RSPO1: variants seen among roughly 807,000 people sequenced by gnomAD.
The protein encoded by RSPO1 is R-spondin 1.
In RSPO1, 18 loss-of-function variants were observed where a neutral mutation model predicts 26.0. That is an observed-to-expected ratio of 0.69 (90% CI 0.48 to 1.03). The LOEUF is 1.03. RSPO1 is among the 50% of genes least tolerant of loss of function. RSPO1 has a pLI of 0.00. For synonymous variants in RSPO1, 133 were observed against 137.4 expected (o/e 0.97, Z 0.22); for missense variants, 309 against 352.3 (o/e 0.88, Z 0.98).
At position 37,611,798 on chromosome 1, in the gene RSPO1, A is replaced by C. The variant is rs1425596283; in HGVS notation, c.*957T>G. ...CCGGGGCCCTTTCTCCCGTCCTTTAAGGGGAATTACAGCAGCACTTCTCAA... is the reference window on the plus strand; with the variant it reads ...CCGGGGCCCTTTCTCCCGTCCTTTACGGGGAATTACAGCAGCACTTCTCAA... On this transcript the variant is annotated 3_prime_UTR_variant, in exon 7 of 7. Coordinates refer to ENST00000356545, the MANE Select transcript of RSPO1 (RefSeq NM_001242908.2). 6.4e-6 allele frequency: 1 copy of C among 156,864 alleles called. No homozygotes were observed. Among genetic ancestry groups the C allele is most frequent in the Non-Finnish European group, 1.4e-5 (1 of 71,024 alleles). The allele number at this position is 156,864 out of a possible 1,614,324, so 9.7% of individuals were successfully genotyped here. A position where few individuals can be genotyped will look rare whatever the true frequency, so the allele number is the denominator to read the frequency against.
chr1:37,618,360 G>A (rs528360915), intron 3 of RSPO1, among the ~76,000 whole-genome samples: 2 of 152,180 alleles, frequency 1.3e-5, no homozygotes, highest in African/African-American at 2.4e-5. Flanking sequence ...TCTGAGGGGG[G>A]ACAGAGTGAA....
At chr1:37,614,114 G>A in intron 5 of RSPO1, 70 bp downstream of exon 5, 1 of 1,564,564 alleles carries the variant, frequency 6.4e-7, no homozygotes, top group South Asian at 1.1e-5. Context: ...CCGCTCTCTT[G>A]CCAGACCCTT....
chr1:37,613,845 T>G lies in RSPO1; in HGVS notation c.484A>C (p.Lys162Gln), dbSNP rs36043533. The G allele has an allele frequency of 0.056, 90,371 of 1,613,898 alleles. 3,082 individuals carry two copies. Among genetic ancestry groups the G allele is most frequent in the South Asian group, 0.13 (11,548 of 91,072 alleles). Residue 162 changes from lysine (K) to glutamine (Q), a missense_variant, in exon 6 of 7, where the codon AAG becomes CAG. Transcript: ENST00000356545. The surrounding 1 kb of genome is among the most constrained non-coding windows in gnomAD (Gnocchi z 4.5). ...EWSPWGPCSK[K>Q]QQLCGFRRGS... ...CTCCGGAAACCACAGAGCTGCTGCT[T>G]CTTGGAGCAGGGCCCCCACGGAGAC...
intron 5 of RSPO1, 66 bp downstream of exon 5, chr1:37,614,118 G>T: frequency 6.3e-7 from 1 of 1,574,858 alleles, no homozygotes; most frequent in South Asian, 1.1e-5. Context: ...TCTCTTGCCA[G>T]ACCCTTACCC....
intron 3 of RSPO1, among the ~76,000 whole-genome samples, chr1:37,622,007 G>T (rs986844071): frequency 6.6e-6 from 1 of 152,060 alleles, no homozygotes; most frequent in Non-Finnish European, 1.5e-5. Context: ...GTCATCAAAG[G>T]CATGCCAGTC....
At chr1:37,631,088 T>C (rs1644354862) in intron 2 of RSPO1, among the ~76,000 whole-genome samples, 1 of 151,862 alleles carries the variant, frequency 6.6e-6, no homozygotes, top group Middle Eastern at 3.4e-3. Flanking sequence ...TCCCACCCCC[T>C]GTCCTAATCC....
intron 3 of RSPO1, among the ~76,000 whole-genome samples, chr1:37,617,547 T>C (rs1215759796): frequency 6.6e-6 from 1 of 150,380 alleles, no homozygotes; most frequent in Non-Finnish European, 1.5e-5. Context: ...TAATCCCAGC[T>C]ACTTGAGAGG....
chr1:37,616,483 C>T lies in RSPO1; in HGVS notation c.286+1G>A, dbSNP rs1570099690. On this transcript the variant is annotated splice_donor_variant, in intron 4 of 6. Transcript: ENST00000356545. LOFTEE classifies it high-confidence loss of function. ...CCCCCGACAGCCCTGCCCACACTCA[C>T]TGATGCACTTGTTCATGTCGGGGTT... 6.2e-7 allele frequency: 1 copy of T among 1,614,126 alleles called. No homozygotes were observed. The highest frequency in any genetic ancestry group is 8.5e-7 in the Non-Finnish European group (1 of 1,179,980).
At chr1:37,626,711 G>C (rs1644282780) in intron 3 of RSPO1, among the ~76,000 whole-genome samples, 1 of 152,134 alleles carries the variant, frequency 6.6e-6, no homozygotes, top group Non-Finnish European at 1.5e-5. Context: ...GCACAAAGGG[G>C]GCTCCTGGCT....
chr1:37,632,989 A>G (rs1386436242), intron 1 of RSPO1, among the ~76,000 whole-genome samples: 2 of 152,114 alleles, frequency 1.3e-5, no homozygotes, highest in African/African-American at 4.8e-5. Flanking sequence ...TAGAATGGGG[A>G]CTGCTGGCAG....
At chr1:37,616,914 G>A (rs1027161918) in intron 3 of RSPO1, among the ~76,000 whole-genome samples, 1 of 152,082 alleles carries the variant, frequency 6.6e-6, no homozygotes, top group Non-Finnish European at 1.5e-5. Flanking sequence ...CTCCAGACAC[G>A]ACACGAGTTC....
At position 37,632,343 on chromosome 1, in the gene RSPO1, C is replaced by G. The variant is rs1289383986; in HGVS notation, c.-345G>C. On this transcript the variant is annotated 5_prime_UTR_variant, in exon 2 of 7. Transcript: ENST00000356545. ...ACTCCCACCTGAATCACCAGGAAAC[C>G]ACAATCTCAGCTGGAAAATCGTAAG... 6.6e-6 allele frequency: 1 copy of G among 152,222 alleles called. No individual in the cohort carries two copies. Among genetic ancestry groups the G allele is most frequent in the African/African-American group, 2.4e-5 (1 of 41,428 alleles). The allele number at this position is 152,222 out of a possible 1,614,324, so 9.4% of individuals were successfully genotyped here.
At chr1:37,627,236 C>T (rs1042980925) in intron 3 of RSPO1, among the ~76,000 whole-genome samples, 4 of 152,056 alleles carry the variant, frequency 2.6e-5, no homozygotes, top group Admixed American at 6.6e-5. Context: ...TGCCCTTCCA[C>T]GCTTGTCTTA....
At chr1:37,614,387 C>G (rs972761731) in intron 4 of RSPO1, 54 bp from the exon 5 acceptor site, 1 of 1,606,310 alleles carries the variant, frequency 6.2e-7, no homozygotes, top group African/African-American at 1.3e-5. Flanking sequence ...GAATGTTTCC[C>G]CTCATCCCCA....
intron 3 of RSPO1, among the ~76,000 whole-genome samples, chr1:37,628,117 T>A (rs958993334): frequency 2.6e-5 from 4 of 152,182 alleles, no homozygotes; most frequent in African/African-American, 9.7e-5. Flanking sequence ...TCTGCATGGG[T>A]GAGGGTCAGC....
rs1246226288 is a variant in RSPO1, at chr1:37,629,724, C to T, written c.-63G>A. 50 of 1,596,442 alleles carry T rather than the reference C, an allele frequency of 3.1e-5. No homozygotes were observed. The highest frequency in any genetic ancestry group is 5.3e-5 in the Admixed American group (3 of 57,090). ...GGTCTCGGGGAGGGTGGATAGCACACGGCTCTTGCTAACACCTCTGGGGCT... is the reference window on the plus strand; with the variant it reads ...GGTCTCGGGGAGGGTGGATAGCACATGGCTCTTGCTAACACCTCTGGGGCT... On this transcript the variant is annotated 5_prime_UTR_variant, in exon 3 of 7. It adds an upstream start codon to the 5' untranslated region. Coordinates refer to ENST00000356545, the MANE Select transcript of RSPO1 (RefSeq NM_001242908.2).
chr1:37,616,131 G>A (rs1644107446), intron 4 of RSPO1, among the ~76,000 whole-genome samples: 1 of 152,146 alleles, frequency 6.6e-6, no homozygotes, highest in Admixed American at 6.5e-5. Context: ...GGTGCTGGGA[G>A]CCTGGGGAGG....
Position 37,631,907 on chromosome 1 carries a change from G to A in RSPO1, c.-289+380C>T, listed in dbSNP as rs891515246. 13 of 152,094 alleles carry A rather than the reference G, an allele frequency of 8.5e-5. No homozygotes were observed. The East Asian group carries it at 9.6e-4, about 11-fold the overall frequency. The allele number at this position is 152,094 out of a possible 1,614,324, so 9.4% of individuals were successfully genotyped here. A position where few individuals can be genotyped will look rare whatever the true frequency, so the allele number is the denominator to read the frequency against. On this transcript the variant is annotated intron_variant, in intron 2 of 6. Coordinates refer to ENST00000356545, the MANE Select transcript of RSPO1 (RefSeq NM_001242908.2). ...ATTTATCTTTATGGTTGATTGCCTC[G>A]ACACCAAAGCGATCACTCAGAGTGA...
chr1:37,622,284 G>C (rs1395188055), intron 3 of RSPO1, among the ~76,000 whole-genome samples: 1 of 152,154 alleles, frequency 6.6e-6, no homozygotes. Context: ...TGGGGTGGTG[G>C]GGTGGACAGC....
Sources: gnomAD v4.1 joint callset for allele counts (sites outside exome capture counted in the v4.1 genomes callset) on GRCh38, gnomAD v4.1.1 for gene constraint, Gnocchi (gnomAD v3.1) non-coding constraint, MANE v1.5 for transcripts, NCBI Gene and HGNC (gene_info 2026-07-23, HGNC 2026-07-21) for gene names.